MORC3: variants seen among roughly 807,000 people sequenced by gnomAD.
The protein encoded by MORC3 is MORC family CW-type zinc finger protein 3.
MORC3 carries 31 observed loss-of-function variants against 109.1 expected under a neutral mutation model. The observed-to-expected ratio is 0.28, with a 90% CI of 0.21 to 0.38. MORC3 has a LOEUF of 0.38. MORC3 is among the 10% of genes least tolerant of loss of function. The probability of loss-of-function intolerance (pLI) is 1.00; values close to 1 mark genes in which losing one functional copy is unlikely to be tolerated. For missense variants in MORC3, 867 were observed against 1,135.8 expected (o/e 0.76, Z 3.40); for synonymous variants, 395 against 380.7 (o/e 1.04, Z -0.44).
intron 1 of MORC3, among the ~76,000 whole-genome samples, chr21:36,322,478 T>A (rs1002427076): frequency 6.6e-6 from 1 of 152,130 alleles, no homozygotes; most frequent in African/African-American, 2.4e-5. Context: ...TTCAAGCACT[T>A]CTTCTGCCTC....
intron 1 of MORC3, among the ~76,000 whole-genome samples, chr21:36,326,300 G>T (rs1430118213): frequency 6.6e-6 from 1 of 152,082 alleles, no homozygotes; most frequent in Non-Finnish European, 1.5e-5. Flanking sequence ...AAGGCGGGCA[G>T]ATCACTTGAG....
intron 1 of MORC3, among the ~76,000 whole-genome samples, chr21:36,328,926 AG>A (rs2085280902): frequency 4.6e-5 from 7 of 152,038 alleles, no homozygotes; most frequent in East Asian, 1.9e-4. Context: ...AAAAAGAAAA[AG>A]AAATTGTAAC....
At chr21:36,332,400 C>T (rs762602988) in intron 1 of MORC3, among the ~76,000 whole-genome samples, 2 of 151,990 alleles carry the variant, frequency 1.3e-5, no homozygotes, top group Admixed American at 6.6e-5. Flanking sequence ...TGTGCCACTG[C>T]GTTACAGCCT....
intron 6 of MORC3, among the ~76,000 whole-genome samples, chr21:36,343,089 CA>C: frequency 1.5e-5 from 1 of 67,948 alleles, no homozygotes; most frequent in Admixed American, 1.6e-4. Flanking sequence ...AAATTAATAT[CA>C]AGGTTTTTTT....
chr21:36,356,444 G>A (rs542872404), intron 9 of MORC3, among the ~76,000 whole-genome samples, 176 bp from the exon 10 acceptor site: 33 of 152,058 alleles, frequency 2.2e-4, no homozygotes, highest in African/African-American at 6.0e-4. Context: ...AGAAAATTGT[G>A]TATAAGTGCA....
At chr21:36,370,614 T>C (rs1459157758) in intron 15 of MORC3, among the ~76,000 whole-genome samples, 1 of 30,206 alleles carries the variant, frequency 3.3e-5, no homozygotes, top group Non-Finnish European at 5.5e-5. Flanking sequence ...CATACATACA[T>C]ATATATATAT....
intron 15 of MORC3, among the ~76,000 whole-genome samples, chr21:36,370,332 G>C (rs781010630): frequency 7.9e-5 from 12 of 152,128 alleles, no homozygotes; most frequent in Admixed American, 4.6e-4. Context: ...ATATGGAATT[G>C]TGTAGGGGCA....
At chr21:36,343,486 T>TGG (rs2085474717) in intron 6 of MORC3, among the ~76,000 whole-genome samples, 1 of 150,240 alleles carries the variant, frequency 6.7e-6, no homozygotes, top group African/African-American at 2.4e-5. Context: ...TCTCACTCTG[T>TGG]TGCCTAGGCT....
At chr21:36,365,866 G>A (rs543439777) in intron 14 of MORC3, among the ~76,000 whole-genome samples, 50 of 152,260 alleles carry the variant, frequency 3.3e-4, no homozygotes, top group African/African-American at 1.1e-3. Flanking sequence ...ACAGGTGTGA[G>A]CCACAGCACC....
intron 1 of MORC3, among the ~76,000 whole-genome samples, chr21:36,321,091 G>T (rs749973309): frequency 1.5e-4 from 23 of 152,172 alleles, no homozygotes; most frequent in Admixed American, 9.2e-4. Flanking sequence ...GGAGGTTGTT[G>T]ACTTTTGCCA....
At chr21:36,363,577 G>A (rs1259122154) in intron 13 of MORC3, among the ~76,000 whole-genome samples, 1 of 152,298 alleles carries the variant, frequency 6.6e-6, no homozygotes, top group Admixed American at 6.5e-5. Context: ...ATAAAGTGTT[G>A]AGTATCTCAT....
rs1349425516 is a variant in MORC3, at chr21:36,375,496, A to T, written c.*200A>T. ...TTTGAAATACCTGTGAATTGTTGGC[A>T]TTGAGCAGCTGAAGCTAACTCATGA... On this transcript the variant is annotated 3_prime_UTR_variant, in exon 17 of 17. Coordinates refer to ENST00000400485, the MANE Select transcript of MORC3 (RefSeq NM_015358.3). The T allele has an allele frequency of 8.4e-6, 4 of 474,922 alleles. No homozygotes were observed. Among genetic ancestry groups the T allele is most frequent in the Non-Finnish European group, 1.5e-5 (4 of 271,820 alleles). 29.4% of individuals were successfully genotyped at this position (474,922 alleles called of 1,614,324 possible). A position where few individuals can be genotyped will look rare whatever the true frequency, so the allele number is the denominator to read the frequency against.
chr21:36,360,532 C>T (rs948578478), intron 12 of MORC3: 2 of 299,854 alleles, frequency 6.7e-6, no homozygotes, highest in Non-Finnish European at 1.1e-5. Context: ...TAGTGAATAC[C>T]CCCCCCATTG....
intron 9 of MORC3, among the ~76,000 whole-genome samples, chr21:36,352,737 C>T (rs1293520195): frequency 6.6e-6 from 1 of 152,128 alleles, no homozygotes; most frequent in African/African-American, 2.4e-5. Context: ...GACTACCCCT[C>T]AGTCAAAGAT....
chr21:36,349,268 C>A, intron 8 of MORC3, 43 bp from the exon 9 acceptor site: 1 of 1,294,668 alleles, frequency 7.7e-7, no homozygotes, highest in Non-Finnish European at 1.1e-6. Context: ...TTTTGAGCAT[C>A]ATGTCTTATG....
chr21:36,366,800 G>A (rs902636815), intron 14 of MORC3, among the ~76,000 whole-genome samples: 7 of 152,170 alleles, frequency 4.6e-5, no homozygotes, highest in African/African-American at 1.7e-4. Flanking sequence ...ATAAACCAAA[G>A]TTTGTGGAAA....
chr21:36,339,525 A>AAAAAAAAG (rs1569094048), intron 5 of MORC3: 1 of 148,834 alleles, frequency 6.7e-6, no homozygotes, highest in Non-Finnish European at 1.5e-5. Context: ...AAAAAAGAAA[A>AAAAAAAAG]AAGAAAAAAA....
chr21:36,336,407 G>A (rs943459381), intron 2 of MORC3, among the ~76,000 whole-genome samples: 5 of 149,696 alleles, frequency 3.3e-5, no homozygotes, highest in Admixed American at 6.7e-5. Context: ...CATGCCTGGC[G>A]GATTTTTGTA....
intron 15 of MORC3, among the ~76,000 whole-genome samples, chr21:36,371,976 G>A (rs1159936696): frequency 1.3e-5 from 2 of 152,056 alleles, no homozygotes; most frequent in African/African-American, 2.4e-5. Context: ...ATCACACCCA[G>A]CTAATTTTGT....
Sources: allele counts gnomAD v4.1 joint callset (sites outside exome capture counted in the v4.1 genomes callset), GRCh38; gene constraint gnomAD v4.1.1; transcripts MANE v1.5; gene names NCBI Gene and HGNC (gene_info 2026-07-23, HGNC 2026-07-21).